The following ERBB4 variants were observed in gnomAD, a reference collection of about 807,000 sequenced individuals.
The protein encoded by ERBB4 is receptor tyrosine-protein kinase erbB-4.
Under a neutral mutation model 158.0 loss-of-function variants are expected in ERBB4, and 42 were observed. The ratio of observed to expected loss-of-function variants is 0.27; its 90% CI spans 0.21 to 0.34. The LOEUF is 0.34. Ranked by LOEUF, ERBB4 falls within the 10% of genes least tolerant of loss-of-function variation. ERBB4 has a pLI of 1.00. For missense variants in ERBB4, 1,333 were observed against 1,624.1 expected (o/e 0.82, Z 3.08); for synonymous variants, 583 against 558.7 (o/e 1.04, Z -0.61).
At chr2:212,014,767 T>C (rs1427076820) in intron 2 of ERBB4, among the ~76,000 whole-genome samples, 1 of 151,976 alleles carries the variant, frequency 6.6e-6, no homozygotes, top group Admixed American at 6.6e-5. Context: ...TGACCCTAAT[T>C]CTTAAACATG....
At chr2:212,019,147 T>A (rs1004966386) in intron 2 of ERBB4, among the ~76,000 whole-genome samples, 1 of 152,126 alleles carries the variant, frequency 6.6e-6, no homozygotes, top group African/African-American at 2.4e-5. Context: ...AGGGACAATG[T>A]AGAATATCTG....
intron 1 of ERBB4, among the ~76,000 whole-genome samples, chr2:212,447,790 G>A (rs560655314): frequency 2.0e-5 from 3 of 151,992 alleles, no homozygotes; most frequent in Admixed American, 6.6e-5. Flanking sequence ...GTGTGTGTGT[G>A]TGTGTGTGTG....
intron 19 of ERBB4, among the ~76,000 whole-genome samples, chr2:211,582,976 A>G (rs1050027546): frequency 6.6e-6 from 1 of 152,130 alleles, no homozygotes; most frequent in African/African-American, 2.4e-5. Context: ...ACAGAATTAC[A>G]GTGCTTTTTA....
chr2:212,227,962 C>G (rs1198147461), intron 1 of ERBB4, among the ~76,000 whole-genome samples: 1 of 152,192 alleles, frequency 6.6e-6, no homozygotes, highest in Non-Finnish European at 1.5e-5. Flanking sequence ...GAACTCATGG[C>G]TTTCTGCCAA....
intron 1 of ERBB4, among the ~76,000 whole-genome samples, chr2:212,311,457 T>C (rs2087040734): frequency 6.6e-6 from 1 of 150,864 alleles, no homozygotes; most frequent in Non-Finnish European, 1.5e-5. Flanking sequence ...AGTTGCAATT[T>C]AGAAAAGAAC....
chr2:211,409,045 A>C (rs1394893682), intron 25 of ERBB4, among the ~76,000 whole-genome samples: 1 of 152,208 alleles, frequency 6.6e-6, no homozygotes, highest in African/African-American at 2.4e-5. Flanking sequence ...ATATTTAAAA[A>C]ACAAAATAAA....
chr2:211,419,318 A>G (rs2063462219), intron 25 of ERBB4, among the ~76,000 whole-genome samples: 1 of 152,110 alleles, frequency 6.6e-6, no homozygotes, highest in Non-Finnish European at 1.5e-5. Flanking sequence ...GGAGGTTAAC[A>G]TATATGTGTT....
At chr2:212,013,733 C>T (rs1306308617) in intron 2 of ERBB4, among the ~76,000 whole-genome samples, 1 of 152,044 alleles carries the variant, frequency 6.6e-6, no homozygotes, top group Non-Finnish European at 1.5e-5. Flanking sequence ...AGGTTTCTTC[C>T]CTAGAGCATC....
chr2:211,812,103 C>T (rs745855480), intron 3 of ERBB4, among the ~76,000 whole-genome samples: 20 of 152,176 alleles, frequency 1.3e-4, no homozygotes, highest in Non-Finnish European at 2.1e-4. Context: ...GAGGAGAAGA[C>T]GCGCTCTGCT....
chr2:212,336,887 T>A (rs1352841042), intron 1 of ERBB4, among the ~76,000 whole-genome samples: 3 of 152,054 alleles, frequency 2.0e-5, no homozygotes, highest in Non-Finnish European at 4.4e-5. Context: ...TCTAATAAAA[T>A]ATAGATTTTG....
chr2:212,409,429 A>G, intron 1 of ERBB4, among the ~76,000 whole-genome samples: 1 of 152,124 alleles, frequency 6.6e-6, no homozygotes, highest in East Asian at 1.9e-4. Context: ...ATTGCAGTGT[A>G]ATCTACCCAA....
At chr2:212,149,255 A>G (rs546388080) in intron 1 of ERBB4, among the ~76,000 whole-genome samples, 2 of 152,168 alleles carry the variant, frequency 1.3e-5, no homozygotes, top group African/African-American at 4.8e-5. Flanking sequence ...ATCTTTCATG[A>G]CATTCCTGTT....
intron 27 of ERBB4, 31 bp downstream of exon 27, chr2:211,386,822 T>C: frequency 6.2e-7 from 1 of 1,610,254 alleles, no homozygotes. Flanking sequence ...GAACTTCGAA[T>C]GGCGATCGTT....
At chr2:212,167,653 C>A (rs1281587278) in intron 1 of ERBB4, among the ~76,000 whole-genome samples, 1 of 152,054 alleles carries the variant, frequency 6.6e-6, no homozygotes, top group Non-Finnish European at 1.5e-5. Context: ...ATGTTTACTG[C>A]AGCATTATTT....
chr2:211,485,410 T>C (rs1293063328), intron 20 of ERBB4, among the ~76,000 whole-genome samples: 4 of 152,128 alleles, frequency 2.6e-5, no homozygotes, highest in Non-Finnish European at 5.9e-5. Context: ...AGGAGAGTAT[T>C]CTTACTCTAA....
intron 2 of ERBB4, among the ~76,000 whole-genome samples, chr2:211,948,891 T>C (rs1399356378): frequency 6.6e-6 from 1 of 152,162 alleles, no homozygotes; most frequent in Non-Finnish European, 1.5e-5. Context: ...TATACCCAAC[T>C]GTTTACTCAA....
At chr2:211,841,967 AT>A (rs1161062141) in intron 3 of ERBB4, among the ~76,000 whole-genome samples, 4 of 151,838 alleles carry the variant, frequency 2.6e-5, no homozygotes, top group African/African-American at 4.8e-5. Flanking sequence ...TGTTTCAATA[AT>A]TTTTTTTCAA....
At chr2:211,810,817 C>G (rs544709025) in intron 3 of ERBB4, among the ~76,000 whole-genome samples, 53 of 151,956 alleles carry the variant, frequency 3.5e-4, no homozygotes, top group African/African-American at 5.5e-4. Context: ...GGACTACAGG[C>G]GCCCGCCACC....
rs146990479 is a variant in ERBB4 at position 211,885,427 on chromosome 2, T to C, written c.421+62003A>G. ...AAGAAAAAGAATAATGGAAGATCTG[T>C]AGAGAAAATAGAGAAACAACTGCTA... On this transcript the variant is annotated intron_variant, in intron 3 of 27. Transcript: ENST00000342788. Among the ~76,000 whole-genome samples, 97 of 152,188 alleles carry C rather than the reference T, an allele frequency of 6.4e-4. 1 individual carries two copies. In the East Asian group the frequency reaches 0.016, roughly 25 times the overall value.
Sources: gnomAD v4.1 joint callset for allele counts (sites outside exome capture counted in the v4.1 genomes callset) on GRCh38, gnomAD v4.1.1 for gene constraint, MANE v1.5 for transcripts, NCBI Gene and HGNC (gene_info 2026-07-23, HGNC 2026-07-21) for gene names.